Variants in LDLRAD4 observed in about 807,000 individuals in gnomAD.
LDLRAD4 encodes the protein low density lipoprotein receptor class A domain containing 4.
In LDLRAD4, 5 loss-of-function variants were observed where a neutral mutation model predicts 17.0. That is an observed-to-expected ratio of 0.29 (90% confidence interval 0.15 to 0.62). The LOEUF (loss-of-function observed/expected upper bound fraction) is 0.62, where lower values mean the gene tolerates loss of function less well. Ranked by LOEUF, LDLRAD4 falls within the 20% of genes least tolerant of loss-of-function variation. LDLRAD4 has a pLI of 0.84. For missense variants in LDLRAD4, 340 were observed against 424.7 expected (o/e 0.80, Z 1.75); for synonymous variants, 168 against 171.8 (o/e 0.98, Z 0.17).
At chr18:13,518,286 A>G (rs2093900696) in intron 3 of LDLRAD4, among the ~76,000 whole-genome samples, 1 of 152,072 alleles carries the variant, frequency 6.6e-6, no homozygotes, top group African/African-American at 2.4e-5. Context: ...GTAACTTCCT[A>G]CAGTCATTAG....
At chr18:13,628,390 GAT>G (rs1307162039) in intron 4 of LDLRAD4, among the ~76,000 whole-genome samples, 1 of 152,232 alleles carries the variant, frequency 6.6e-6, no homozygotes, top group Non-Finnish European at 1.5e-5. Flanking sequence ...CCACAGACCA[GAT>G]GTGTGTGTTT....
At chr18:13,453,775 C>T (rs1035385699) in intron 3 of LDLRAD4, among the ~76,000 whole-genome samples, 1 of 152,342 alleles carries the variant, frequency 6.6e-6, no homozygotes, top group Admixed American at 6.5e-5. Flanking sequence ...CTGCCCTTCC[C>T]TCTGTTGCCC....
chr18:13,444,895 C>G (rs756274438), intron 3 of LDLRAD4, among the ~76,000 whole-genome samples: 1 of 152,136 alleles, frequency 6.6e-6, no homozygotes, highest in Non-Finnish European at 1.5e-5. Context: ...TTGAAAATAT[C>G]CACGTGATGC....
At chr18:13,295,442 T>C (rs1196449929) in intron 1 of LDLRAD4, among the ~76,000 whole-genome samples, 1 of 152,200 alleles carries the variant, frequency 6.6e-6, no homozygotes, top group African/African-American at 2.4e-5. Flanking sequence ...CTGGCGTGGG[T>C]GCAGGGCTTC....
intron 3 of LDLRAD4, chr18:13,614,478 C>G (rs1173618913): frequency 6.6e-6 from 1 of 152,062 alleles, no homozygotes; most frequent in Non-Finnish European, 1.5e-5. Flanking sequence ...GTAGAGTAGC[C>G]AACCCACCTC....
chr18:13,247,957 C>CG (rs1555627097), intron 1 of LDLRAD4, among the ~76,000 whole-genome samples: 9 of 96,122 alleles, frequency 9.4e-5, no homozygotes, highest in African/African-American at 3.4e-4. Flanking sequence ...CGCCGCCCCC[C>CG]GCCTTTTTTT....
chr18:13,390,351 G>A (rs751465303), intron 2 of LDLRAD4, among the ~76,000 whole-genome samples: 1 of 152,180 alleles, frequency 6.6e-6, no homozygotes, highest in Non-Finnish European at 1.5e-5. Flanking sequence ...CCAACACAGC[G>A]CCGCGCGGGG....
chr18:13,366,149 T>C (rs9946524), intron 1 of LDLRAD4: 64,398 of 151,956 alleles, frequency 0.42, 14,973 homozygotes, highest in African/African-American at 0.63. Flanking sequence ...TCATACCTCA[T>C]TGCAGACTCG....
intron 3 of LDLRAD4, among the ~76,000 whole-genome samples, chr18:13,448,543 T>C (rs948209458): frequency 9.9e-5 from 15 of 151,610 alleles, no homozygotes; most frequent in African/African-American, 3.2e-4. Flanking sequence ...GTGGCGGGGA[T>C]GGAGTTTATG....
chr18:13,498,691 A>G (rs2093537001), intron 3 of LDLRAD4, among the ~76,000 whole-genome samples: 1 of 148,124 alleles, frequency 6.8e-6, no homozygotes, highest in African/African-American at 2.5e-5. Flanking sequence ...CCTGCTGTGG[A>G]CACTGGAGAA....
intron 1 of LDLRAD4, among the ~76,000 whole-genome samples, chr18:13,280,796 G>A (rs2045222714): frequency 1.3e-5 from 2 of 152,204 alleles, no homozygotes; most frequent in Non-Finnish European, 2.9e-5. Flanking sequence ...TGAAGGCACC[G>A]GTGCAGACCA....
intron 2 of LDLRAD4, among the ~76,000 whole-genome samples, chr18:13,393,045 T>TG (rs1283253793): frequency 6.6e-6 from 1 of 152,128 alleles, no homozygotes; most frequent in Non-Finnish European, 1.5e-5. Context: ...GTAGGCTTGC[T>TG]GGGGGTGTGA....
chr18:13,470,141 G>GA (rs2092728018), intron 3 of LDLRAD4, among the ~76,000 whole-genome samples: 2 of 152,116 alleles, frequency 1.3e-5, no homozygotes, highest in Non-Finnish European at 2.9e-5. Context: ...AGACCGTGTG[G>GA]AAATGGTATT....
intron 3 of LDLRAD4, among the ~76,000 whole-genome samples, chr18:13,531,733 C>G (rs8095531): frequency 0.25 from 38,306 of 151,872 alleles, 5,440 homozygotes; most frequent in Middle Eastern, 0.39. Context: ...CCTGATGGGC[C>G]TCCTTTAGTA....
At chr18:13,253,932 G>A (rs1368921236) in intron 1 of LDLRAD4, among the ~76,000 whole-genome samples, 2 of 152,244 alleles carry the variant, frequency 1.3e-5, no homozygotes, top group Admixed American at 1.3e-4. Flanking sequence ...TGCCCAGTGT[G>A]TGCCCAGCCC....
At chr18:13,420,724 A>G (rs1383645019) in intron 2 of LDLRAD4, 2 of 152,304 alleles carry the variant, frequency 1.3e-5, no homozygotes, top group Non-Finnish European at 2.9e-5. Context: ...CCTTCCATGC[A>G]TGGGCAGAGA....
At chr18:13,487,471 CG>C (rs1290778210) in intron 3 of LDLRAD4, 2 of 152,280 alleles carry the variant, frequency 1.3e-5, no homozygotes, top group African/African-American at 4.8e-5. Flanking sequence ...TTCAGAAAGA[CG>C]TGTTTGTGGC....
intron 3 of LDLRAD4, among the ~76,000 whole-genome samples, chr18:13,485,783 G>A (rs1009687355): frequency 6.6e-6 from 1 of 152,210 alleles, no homozygotes; most frequent in Non-Finnish European, 1.5e-5. Context: ...AGAGGCTGAG[G>A]CAAGAGGATC....
At chr18:13,424,728 G>C (rs2089789170) in intron 2 of LDLRAD4, among the ~76,000 whole-genome samples, 1 of 152,180 alleles carries the variant, frequency 6.6e-6, no homozygotes, top group Admixed American at 6.5e-5. Flanking sequence ...CATTTGTCAC[G>C]CAAGGGAATG....
Sources: allele counts gnomAD v4.1 joint callset (sites outside exome capture counted in the v4.1 genomes callset), GRCh38; gene constraint gnomAD v4.1.1; transcripts MANE v1.5; gene names NCBI Gene and HGNC (gene_info 2026-07-23, HGNC 2026-07-21).